Variants in ANTXR1 observed in about 807,000 individuals in gnomAD.
The protein encoded by ANTXR1 is anthrax toxin receptor 1.
ANTXR1 carries 19 observed loss-of-function variants against 78.1 expected under a neutral mutation model. The observed-to-expected ratio is 0.24, with a 90% CI of 0.17 to 0.36. The LOEUF (loss-of-function observed/expected upper bound fraction) is 0.36. Ranked by LOEUF, ANTXR1 falls within the 10% of genes least tolerant of loss-of-function variation. The pLI is 1.00. For missense variants in ANTXR1, 518 were observed against 718.6 expected (o/e 0.72, Z 3.19); for synonymous variants, 273 against 260.5 (o/e 1.05, Z -0.46).
intron 3 of ANTXR1, among the ~76,000 whole-genome samples, chr2:69,067,968 T>G (rs1254895196): frequency 6.6e-6 from 1 of 152,220 alleles, no homozygotes; most frequent in East Asian, 1.9e-4. Flanking sequence ...AAATACAACC[T>G]AGAGAATGAT....
intron 1 of ANTXR1, among the ~76,000 whole-genome samples, chr2:69,036,444 C>G (rs1234587387): frequency 1.3e-5 from 2 of 152,172 alleles, no homozygotes; most frequent in African/African-American, 4.8e-5. Flanking sequence ...TAGCCACCCT[C>G]TTGTGCTATC....
At chr2:69,019,963 C>T (rs1671136586) in intron 1 of ANTXR1, among the ~76,000 whole-genome samples, 1 of 152,272 alleles carries the variant, frequency 6.6e-6, no homozygotes, top group African/African-American at 2.4e-5. Flanking sequence ...ACCACATTTG[C>T]TTTGTCTAAT....
rs572089702 is a variant in ANTXR1, at chr2:69,192,423, G to T, written c.1354-912G>T. On this transcript the variant is annotated intron_variant, in intron 16 of 17. Coordinates refer to ENST00000303714, the MANE Select transcript of ANTXR1 (RefSeq NM_032208.3). ...AAGTCGGCAACATTGGGTTGAGTCC[G>T]TCTCACACCTAATCACTGTGACTCT... is the stretch of plus-strand genomic sequence containing the variant. Among the ~76,000 whole-genome samples, 5 of 152,150 alleles carry T rather than the reference G, an allele frequency of 3.3e-5. No individual in the cohort carries two copies. In the South Asian group the frequency reaches 1.0e-3, roughly 32 times the overall value.
intron 3 of ANTXR1, among the ~76,000 whole-genome samples, chr2:69,059,016 A>G (rs1670152193): frequency 1.3e-5 from 2 of 152,084 alleles, no homozygotes; most frequent in Admixed American, 6.6e-5. Flanking sequence ...TTGCAATCTC[A>G]TGATAAAACT....
At chr2:69,029,907 AG>A (rs1671477104) in intron 1 of ANTXR1, among the ~76,000 whole-genome samples, 2 of 152,226 alleles carry the variant, frequency 1.3e-5, no homozygotes, top group African/African-American at 4.8e-5. Flanking sequence ...TAAAACTGAA[AG>A]AATGGATTGT....
At chr2:69,031,355 G>T (rs1036249274) in intron 1 of ANTXR1, among the ~76,000 whole-genome samples, 1 of 152,056 alleles carries the variant, frequency 6.6e-6, no homozygotes, top group African/African-American at 2.4e-5. Context: ...TTTACCCTAG[G>T]TTCTGCAAAT....
chr2:69,243,321 G>T (rs1021334604), intron 17 of ANTXR1, among the ~76,000 whole-genome samples: 1 of 152,170 alleles, frequency 6.6e-6, no homozygotes, highest in Non-Finnish European at 1.5e-5. Flanking sequence ...ACAAAACAAG[G>T]CTGCAGCCTT....
intron 12 of ANTXR1, chr2:69,145,504 C>G (rs116385915): frequency 1.4e-5 from 21 of 1,464,792 alleles, no homozygotes; most frequent in African/African-American, 4.3e-5. Context: ...CCTGGAGTTA[C>G]GCACACTGAG....
intron 12 of ANTXR1, among the ~76,000 whole-genome samples, chr2:69,140,757 T>C (rs114248924): frequency 1.5e-3 from 230 of 152,292 alleles, no homozygotes; most frequent in Non-Finnish European, 3.0e-3. Flanking sequence ...TTAGATTCAT[T>C]TGGATGTGGG....
intron 12 of ANTXR1, chr2:69,145,181 C>A: frequency 1.3e-6 from 1 of 763,574 alleles, no homozygotes. Context: ...AGGGAAGATG[C>A]ACAGCCAGAG....
At chr2:69,072,817 G>C (rs71413182) in intron 5 of ANTXR1, among the ~76,000 whole-genome samples, 2,307 of 152,332 alleles carry the variant, frequency 0.015, 30 homozygotes, top group Non-Finnish European at 0.024. Context: ...AAATGAGAAA[G>C]CAAAACCTAT....
intron 14 of ANTXR1, among the ~76,000 whole-genome samples, chr2:69,181,375 C>A (rs2104461938): frequency 6.6e-6 from 1 of 152,296 alleles, no homozygotes; most frequent in African/African-American, 2.4e-5. Flanking sequence ...ATCAGGACAT[C>A]TCTGCTGTGG....
intron 15 of ANTXR1, 26 bp downstream of exon 15, chr2:69,181,907 T>C: frequency 1.2e-6 from 2 of 1,608,908 alleles, no homozygotes; most frequent in Non-Finnish European, 1.7e-6. Flanking sequence ...CATATACACT[T>C]ATCTATGTGC....
At chr2:69,082,233 C>T (rs1056392587) in intron 8 of ANTXR1, among the ~76,000 whole-genome samples, 12 of 152,176 alleles carry the variant, frequency 7.9e-5, no homozygotes, top group South Asian at 2.1e-4. Flanking sequence ...TACTGCCCAA[C>T]GGATGAAGTA....
chr2:69,140,374 A>T (rs181664336), intron 12 of ANTXR1, among the ~76,000 whole-genome samples: 1 of 152,344 alleles, frequency 6.6e-6, no homozygotes, highest in African/African-American at 2.4e-5. Flanking sequence ...GGAAAACCAT[A>T]TGCTTTCTCC....
intron 10 of ANTXR1, among the ~76,000 whole-genome samples, chr2:69,120,674 G>GATA (rs751426166): frequency 5.5e-4 from 84 of 151,472 alleles, no homozygotes; most frequent in South Asian, 1.0e-3. Context: ...AGAAAAAAAA[G>GATA]ATAATAATAA....
Position 69,249,112 on chromosome 2 carries a change from G to A in ANTXR1, c.*3627G>A, listed in dbSNP as rs562803428. On this transcript the variant is annotated 3_prime_UTR_variant, in exon 18 of 18. Coordinates refer to ENST00000303714, the MANE Select transcript of ANTXR1 (RefSeq NM_032208.3). ...TGCTATAGGAGACTGGGCAAAACCT[G>A]TACAATGACAACCCTGGAAGTTGCT... The A allele has an allele frequency of 1.2e-4, 18 of 152,198 alleles. No individual in the cohort carries two copies. The highest frequency in any genetic ancestry group is 4.2e-4 in the South Asian group (2 of 4,814). 9.4% of individuals were successfully genotyped at this position (152,198 alleles called of 1,614,324 possible).
chr2:69,157,461 A>G (rs925734892), intron 13 of ANTXR1, among the ~76,000 whole-genome samples: 1 of 151,900 alleles, frequency 6.6e-6, no homozygotes, highest in African/African-American at 2.4e-5. Context: ...CTCACCCTCA[A>G]CATACCCCCC....
chr2:69,217,751 G>A (rs1258224936), intron 17 of ANTXR1, among the ~76,000 whole-genome samples: 1 of 152,120 alleles, frequency 6.6e-6, no homozygotes, highest in Non-Finnish European at 1.5e-5. Flanking sequence ...GAGGGCCTGT[G>A]TGTGAGGGGA....
Sources: gnomAD v4.1 joint callset for allele counts (sites outside exome capture counted in the v4.1 genomes callset) on GRCh38, gnomAD v4.1.1 for gene constraint, MANE v1.5 for transcripts, NCBI Gene and HGNC (gene_info 2026-07-23, HGNC 2026-07-21) for gene names.